Variants in DGKD observed in about 807,000 individuals in gnomAD.
DGKD encodes DAG kinase delta.
DGKD carries 68 observed loss-of-function variants against 154.4 expected under a neutral mutation model. The observed-to-expected ratio is 0.44, with a 90% CI of 0.36 to 0.54. The LOEUF (loss-of-function observed/expected upper bound fraction) is 0.54. Ranked by LOEUF, DGKD falls within the 20% of genes least tolerant of loss-of-function variation. DGKD has a pLI of 0.00. For synonymous variants in DGKD, 693 were observed against 638.0 expected (o/e 1.09, Z -1.30); for missense variants, 1,343 against 1,593.6 (o/e 0.84, Z 2.68).
chr2:233,454,819 C>T lies in DGKD; in HGVS notation c.2321C>T (p.Ala774Val). 1 of 1,613,952 alleles carries T rather than the reference C, an allele frequency of 6.2e-7. No individual in the cohort carries two copies. Among genetic ancestry groups the T allele is most frequent in the Non-Finnish European group, 8.5e-7 (1 of 1,179,904 alleles). The part of the protein sequence containing the change: ...MNNYFGIGLD[A>V]KISLDFNNKR... ...AACTATTTTGGCATTGGCCTGGATG[C>T]GAAGATATCCCTGGACTTTAACAAC... The change falls in exon 19 of 30, where the codon GCG (alanine) becomes GTG (valine). Residue 774 changes from alanine (A) to valine (V), a missense_variant. Ala to Val is a moderately conservative substitution (Grantham distance 64, BLOSUM62 0). This residue lies in a region of DGKD where 60 missense variants were observed against 112.4 expected (regional missense o/e 0.53). Coordinates refer to ENST00000264057, the MANE Select transcript of DGKD (RefSeq NM_152879.3).
At position 233,450,991 on chromosome 2, in the gene DGKD, C is replaced by T. The variant is rs896873247; in HGVS notation, c.2108C>T (p.Pro703Leu). Residue 703 changes from proline (P) to leucine (L), a missense_variant, in exon 17 of 30, where the codon CCG (proline) becomes CTG (leucine). Around this residue, in one of 6 missense-constraint regions of DGKD, gnomAD observed 409 missense variants for 446.0 expected, o/e 0.92. Coordinates refer to ENST00000264057, the MANE Select transcript of DGKD (RefSeq NM_152879.3). ...TCCCTAGGCAGTTCTGCTTCCCTTC[C>T]GCCCCAGCCGGGAAGCCGGGACGGC... is the stretch of plus-strand genomic sequence containing the variant. ...SLSLGSSASL[P>L]PQPGSRDGLP... 15 of 1,612,474 alleles carry T rather than the reference C, an allele frequency of 9.3e-6. No homozygotes were observed. Among genetic ancestry groups the T allele is most frequent in the Non-Finnish European group, 1.3e-5 (15 of 1,178,596 alleles).
At chr2:233,357,069 C>A (rs1701560095) in intron 1 of DGKD, among the ~76,000 whole-genome samples, 1 of 152,150 alleles carries the variant, frequency 6.6e-6, no homozygotes, top group Admixed American at 6.5e-5. Context: ...CTGCTGCCAC[C>A]CCTAAGTTGG....
intron 1 of DGKD, among the ~76,000 whole-genome samples, chr2:233,362,476 C>T (rs1424269446): frequency 6.6e-6 from 1 of 152,096 alleles, no homozygotes; most frequent in Admixed American, 6.5e-5. Flanking sequence ...CATGGTGAAA[C>T]CCTGTGTCTA....
At chr2:233,447,704 G>A in intron 12 of DGKD, 1 of 1,085,794 alleles carries the variant, frequency 9.2e-7, no homozygotes, top group Non-Finnish European at 1.1e-6. Context: ...TCCAGATGGG[G>A]CTCACAGCCA....
At position 233,354,640 on chromosome 2, in the gene DGKD, G is replaced by A. The variant is rs867299366; in HGVS notation, c.122G>A (p.Arg41His). 1.8e-6 allele frequency: 2 copies of A among 1,111,780 alleles called. No individual in the cohort carries two copies. Among genetic ancestry groups the A allele is most frequent in the Admixed American group, 3.5e-5 (1 of 28,488 alleles). 68.9% of individuals were successfully genotyped at this position (1,111,780 alleles called of 1,614,324 possible). A position where few individuals can be genotyped will look rare whatever the true frequency, so the allele number is the denominator to read the frequency against. Reference sequence around the variant, plus strand: ...CCCGGCTCCCCACAGAAGCTCATCCGCAAGGTGTCCACGTCGGGTCAGATC... The same window carrying A: ...CCCGGCTCCCCACAGAAGCTCATCCACAAGGTGTCCACGTCGGGTCAGATC... ...AEPGSPQKLI[R>H]KVSTSGQIRQ... The change falls in exon 1 of 30, where the codon CGC (arginine) becomes CAC (histidine). Residue 41 changes from arginine to histidine, a missense_variant. Arg to His is a conservative substitution (Grantham distance 29). Transcript: ENST00000264057. The surrounding 1 kb of genome is among the most constrained non-coding windows in gnomAD (Gnocchi z 4.8).
chr2:233,428,132 A>AGAG (rs774565224), intron 3 of DGKD, among the ~76,000 whole-genome samples: 37 of 152,166 alleles, frequency 2.4e-4, no homozygotes, highest in Non-Finnish European at 4.6e-4. Flanking sequence ...GAGGGGAGCC[A>AGAG]GAGGAGGAGG....
In DGKD at chr2:233,459,829, C is replaced by T. The variant is rs1417471889; in HGVS notation, c.2767C>T (p.Gln923Ter). Residue 923 changes from glutamine (Q) to a stop codon, truncating the protein, a stop_gained, in exon 23 of 30, where the codon CAG (glutamine) becomes TAG (stop). Coordinates refer to ENST00000264057, the MANE Select transcript of DGKD (RefSeq NM_152879.3). LOFTEE classifies it high-confidence loss of function. This position sits in a 1 kb window ranked among gnomAD's most constrained non-coding sequence, Gnocchi z 5.7. The stretch of plus-strand genomic sequence containing the variant: ...GCAGGTGGACGGAGAGGCCTGGGTC[C>T]AGCCGCCAGGGTACATTCGGATTGT... ...PVQVDGEAWV[Q>*]PPGYIRIVHK... The T allele has an allele frequency of 6.2e-7, 1 of 1,614,108 alleles. No homozygotes were observed. The highest frequency in any genetic ancestry group is 1.3e-5 in the African/African-American group (1 of 75,034).
intron 27 of DGKD, among the ~76,000 whole-genome samples, chr2:233,464,993 C>T (rs1236970403): frequency 6.6e-6 from 1 of 152,216 alleles, no homozygotes; most frequent in African/African-American, 2.4e-5. Context: ...GTTTGTGAGA[C>T]CTGTGGGCAG....
chr2:233,384,340 G>C (rs777787183), intron 1 of DGKD, among the ~76,000 whole-genome samples: 2 of 152,092 alleles, frequency 1.3e-5, no homozygotes, highest in East Asian at 1.9e-4. Context: ...CTTTCTTCTT[G>C]TTCTCCTTTC....
Position 233,457,725 on chromosome 2 carries a change from G to T in DGKD, c.2580+397G>T. On this transcript the variant is annotated intron_variant, in intron 21 of 29. Coordinates refer to ENST00000264057, the MANE Select transcript of DGKD (RefSeq NM_152879.3). The surrounding 1 kb of genome is among the most constrained non-coding windows in gnomAD (Gnocchi z 5.5). Reference sequence around the variant, plus strand: ...GAAGGCTCAGAGTCAAGACAGGGCAGGCACATGGAGGATGGGAGAGAGGTG... The same window carrying T: ...GAAGGCTCAGAGTCAAGACAGGGCATGCACATGGAGGATGGGAGAGAGGTG... 2.6e-6 allele frequency: 1 copy of T among 386,892 alleles called. No homozygotes were observed. Among genetic ancestry groups the T allele is most frequent in the Non-Finnish European group, 5.1e-6 (1 of 194,424 alleles). 24.0% of individuals were successfully genotyped at this position (386,892 alleles called of 1,614,324 possible).
At chr2:233,432,420 A>G (rs145826169) in intron 3 of DGKD, among the ~76,000 whole-genome samples, 1,063 of 101,546 alleles carry the variant, frequency 0.01, 8 homozygotes, top group African/African-American at 0.022. Flanking sequence ...AGCACTTTGG[A>G]AGGCCAAGGT....
At chr2:233,386,606 G>A (rs1311586750) in intron 1 of DGKD, among the ~76,000 whole-genome samples, 1 of 152,142 alleles carries the variant, frequency 6.6e-6, no homozygotes. Context: ...CAGAATGCTT[G>A]ATCGTTGGAT....
Position 233,440,539 on chromosome 2 carries a change from C to T in DGKD, c.1086-1348C>T, listed in dbSNP as rs1021464329. Reference sequence around the variant, plus strand: ...TCAAACTGGGCGTCCTTCCACGTCTCCCCGAGCTGGCATCCGAGGAGCTCT... The same window carrying T: ...TCAAACTGGGCGTCCTTCCACGTCTTCCCGAGCTGGCATCCGAGGAGCTCT... On this transcript the variant is annotated intron_variant, in intron 9 of 29. Transcript: ENST00000264057. This position sits in a 1 kb window ranked among gnomAD's most constrained non-coding sequence, Gnocchi z 4.9. 6.6e-6 allele frequency among the ~76,000 whole-genome samples: 1 copy of T among 152,178 alleles called. No homozygotes were observed. The highest frequency in any genetic ancestry group is 1.5e-5 in the Non-Finnish European group (1 of 68,040).
intron 3 of DGKD, among the ~76,000 whole-genome samples, chr2:233,395,490 T>A (rs1365900278): frequency 2.6e-5 from 4 of 151,130 alleles, no homozygotes; most frequent in African/African-American, 4.9e-5. Flanking sequence ...ATTTTAATGG[T>A]CTCTTGGTAC....
chr2:233,376,884 A>C (rs1188357078), intron 1 of DGKD, among the ~76,000 whole-genome samples: 1 of 151,936 alleles, frequency 6.6e-6, no homozygotes, highest in Non-Finnish European at 1.5e-5. Context: ...AGTCCTTTTA[A>C]AATCATGTGT....
intron 3 of DGKD, among the ~76,000 whole-genome samples, chr2:233,409,787 GTTTTTTTTTTTTTT>G (rs3075533): frequency 8.2e-5 from 5 of 60,892 alleles, no homozygotes; most frequent in East Asian, 1.3e-3. Context: ...CCCCCATACC[GTTTTTTTTTTTTTT>G]TTTTTTTTTT....
chr2:233,366,271 C>G (rs1393365953), intron 1 of DGKD, among the ~76,000 whole-genome samples: 1 of 152,210 alleles, frequency 6.6e-6, no homozygotes, highest in Non-Finnish European at 1.5e-5. Context: ...AAAGATGGCT[C>G]TAGCTGCGCT....
chr2:233,461,529 C>A (rs897494573), intron 24 of DGKD, among the ~76,000 whole-genome samples: 2 of 152,208 alleles, frequency 1.3e-5, no homozygotes, highest in Non-Finnish European at 2.9e-5. Flanking sequence ...CACTGCGGCC[C>A]CTGTCCTCGT....
chr2:233,354,711 TC>T lies in DGKD; in HGVS notation c.156+38del. On this transcript the variant is annotated intron_variant, in intron 1 of 29. Coordinates refer to ENST00000264057, the MANE Select transcript of DGKD (RefSeq NM_152879.3). The surrounding 1 kb of genome is among the most constrained non-coding windows in gnomAD (Gnocchi z 4.8). ...GCGCGGCGGCCCGGGCGCGCGCCCC[TC>T]ACGCCGCGGCAGCCCCGGCCGAGGC... is the stretch of plus-strand genomic sequence containing the variant. 1.0e-6 allele frequency: 1 copy of T among 974,214 alleles called. No individual in the cohort carries two copies. Among genetic ancestry groups the T allele is most frequent in the African/African-American group, 1.8e-5 (1 of 55,492 alleles). 60.3% of individuals were successfully genotyped at this position (974,214 alleles called of 1,614,324 possible). A position where few individuals can be genotyped will look rare whatever the true frequency, so the allele number is the denominator to read the frequency against.
Sources: gnomAD v4.1 joint callset for allele counts (sites outside exome capture counted in the v4.1 genomes callset) on GRCh38, gnomAD v4.1.1 for gene constraint, gnomAD v4.1.1 regional missense constraint, Gnocchi (gnomAD v3.1) non-coding constraint, MANE v1.5 for transcripts, NCBI Gene and HGNC (gene_info 2026-07-23, HGNC 2026-07-21) for gene names.